Variants in MEOX2 observed in about 807,000 individuals in gnomAD.
MEOX2 encodes mesenchyme homeobox 2, also known as homeobox protein MOX-2.
MEOX2 carries 11 observed loss-of-function variants against 27.0 expected under a neutral mutation model. The observed-to-expected ratio is 0.41, with a 90% CI of 0.26 to 0.68. The LOEUF is 0.68. Among genes scored for constraint, MEOX2 ranks in the 30% least tolerant of loss-of-function variants. The pLI is 0.33. For synonymous variants in MEOX2, 189 were observed against 155.4 expected (o/e 1.22, Z -1.61); for missense variants, 436 against 385.4 (o/e 1.13, Z -1.10).
intron 2 of MEOX2, among the ~76,000 whole-genome samples, chr7:15,612,980 C>T (rs1781057465): frequency 6.6e-6 from 1 of 152,166 alleles, no homozygotes; most frequent in African/African-American, 2.4e-5. Context: ...CTCCTAAGTT[C>T]TTCTTTGATT....
chr7:15,613,123 A>T (rs1184114864), intron 2 of MEOX2, among the ~76,000 whole-genome samples: 1 of 152,088 alleles, frequency 6.6e-6, no homozygotes, highest in African/African-American at 2.4e-5. Flanking sequence ...TGACCATTCC[A>T]CCTCACACTG....
chr7:15,631,076 C>G (rs565749225), intron 1 of MEOX2, among the ~76,000 whole-genome samples: 1 of 151,926 alleles, frequency 6.6e-6, no homozygotes, highest in African/African-American at 2.4e-5. Flanking sequence ...TATGTTAGAT[C>G]CAGAATAGGA....
chr7:15,621,070 G>T (rs1226401891), intron 2 of MEOX2, among the ~76,000 whole-genome samples: 1 of 152,140 alleles, frequency 6.6e-6, no homozygotes, highest in Non-Finnish European at 1.5e-5. Context: ...AGAAAAAAAC[G>T]CCAGAATAAG....
intron 1 of MEOX2, among the ~76,000 whole-genome samples, chr7:15,669,446 T>A (rs1782062799): frequency 6.6e-6 from 1 of 152,250 alleles, no homozygotes; most frequent in African/African-American, 2.4e-5. Flanking sequence ...CGTGAATATG[T>A]CCAGTAATAT....
intron 1 of MEOX2, chr7:15,676,162 T>A (rs1276812899): frequency 6.6e-6 from 1 of 152,058 alleles, no homozygotes; most frequent in African/African-American, 2.4e-5. Context: ...ATTCCAGGGG[T>A]TTGTTGTTCT....
intron 1 of MEOX2, among the ~76,000 whole-genome samples, chr7:15,656,125 C>T (rs1219958104): frequency 6.6e-6 from 1 of 151,616 alleles, no homozygotes; most frequent in Non-Finnish European, 1.5e-5. Flanking sequence ...TAATTTTTTT[C>T]TCTAAAGTCT....
chr7:15,620,828 A>G (rs929592621), intron 2 of MEOX2, among the ~76,000 whole-genome samples: 1 of 152,190 alleles, frequency 6.6e-6, no homozygotes, highest in Non-Finnish European at 1.5e-5. Flanking sequence ...TGTTTATTCC[A>G]GTAATCTTAA....
intron 1 of MEOX2, among the ~76,000 whole-genome samples, chr7:15,642,577 C>T (rs1240188321): frequency 1.3e-5 from 2 of 152,098 alleles, no homozygotes; most frequent in East Asian, 3.9e-4. Context: ...ATCTTGCTTA[C>T]AATCCATATT....
At chr7:15,662,980 C>T (rs1320246763) in intron 1 of MEOX2, among the ~76,000 whole-genome samples, 1 of 152,050 alleles carries the variant, frequency 6.6e-6, no homozygotes, top group Non-Finnish European at 1.5e-5. Context: ...AAGAGGCCTC[C>T]ATACCATTTT....
At chr7:15,636,911 T>A (rs1483122038) in intron 1 of MEOX2, among the ~76,000 whole-genome samples, 1 of 151,920 alleles carries the variant, frequency 6.6e-6, no homozygotes, top group Non-Finnish European at 1.5e-5. Context: ...GTGGCATTAA[T>A]CCATTCATGG....
intron 1 of MEOX2, among the ~76,000 whole-genome samples, chr7:15,647,760 T>C (rs1194638596): frequency 1.3e-5 from 2 of 152,154 alleles, no homozygotes; most frequent in Non-Finnish European, 2.9e-5. Flanking sequence ...TAGTTTCTCA[T>C]TTTAAAAGAT....
intron 1 of MEOX2, among the ~76,000 whole-genome samples, chr7:15,670,362 T>G (rs1171919693): frequency 6.6e-6 from 1 of 152,230 alleles, no homozygotes; most frequent in East Asian, 1.9e-4. Flanking sequence ...CAGATATGCT[T>G]CAACTTTTCA....
intron 2 of MEOX2, among the ~76,000 whole-genome samples, chr7:15,613,756 CTATT>C (rs775547658): frequency 7.9e-5 from 12 of 152,138 alleles, no homozygotes; most frequent in South Asian, 4.1e-4. Flanking sequence ...TCAAAAGACT[CTATT>C]TATTTATTTT....
chr7:15,623,560 G>A (rs1433872197), intron 2 of MEOX2, among the ~76,000 whole-genome samples: 2 of 152,062 alleles, frequency 1.3e-5, no homozygotes, highest in African/African-American at 2.4e-5. Flanking sequence ...AGTAGAGACG[G>A]GGTTTCACCA....
At position 15,627,003 on chromosome 7, in the gene MEOX2, C is replaced by T. The variant is rs1164024369; in HGVS notation, c.518-85G>A. 5.1e-6 allele frequency: 7 copies of T among 1,364,604 alleles called. No homozygotes were observed. The East Asian group carries it at 1.6e-4, about 32-fold the overall frequency. 84.5% of individuals were successfully genotyped at this position (1,364,604 alleles called of 1,614,324 possible). On this transcript the variant is annotated intron_variant, in intron 1 of 2. Transcript: ENST00000262041. ...ATTATTCACAGTTATTGAATTACTACTTTTCCAGGTACTGCGCTAGACATG... is the reference window on the plus strand; with the variant it reads ...ATTATTCACAGTTATTGAATTACTATTTTTCCAGGTACTGCGCTAGACATG...
In MEOX2 at chr7:15,685,912, C is replaced by T; in HGVS notation, c.491G>A (p.Gly164Asp). Residue 164 changes from glycine to aspartate, a missense_variant, in exon 1 of 3, where the codon GGC becomes GAC. Transcript: ENST00000262041. ...LSPAEAEKRSGGKRKSDSSDS... is the reference protein window; with the variant it reads ...LSPAEAEKRSDGKRKSDSSDS... ...TGAGCTGTCGCTTTTCCTCTTGCCG[C>T]CGCTTCGCTTCTCCGCCTCCGCAGG... The T allele has an allele frequency of 3.7e-6, 6 of 1,607,444 alleles. No individual in the cohort carries two copies. The highest frequency in any genetic ancestry group is 4.2e-6 in the Non-Finnish European group (5 of 1,177,412).
At chr7:15,665,577 T>C in intron 1 of MEOX2, among the ~76,000 whole-genome samples, 1 of 152,194 alleles carries the variant, frequency 6.6e-6, no homozygotes, top group Non-Finnish European at 1.5e-5. Flanking sequence ...GTCCAAATTA[T>C]TCTTCCCCCA....
intron 1 of MEOX2, among the ~76,000 whole-genome samples, chr7:15,650,422 C>A (rs951310498): frequency 6.6e-5 from 10 of 152,078 alleles, no homozygotes; most frequent in Non-Finnish European, 1.3e-4. Context: ...AATTTTTTAC[C>A]TACCTTCTAG....
intron 1 of MEOX2, among the ~76,000 whole-genome samples, chr7:15,669,586 A>G (rs1782064533): frequency 6.6e-6 from 1 of 152,212 alleles, no homozygotes; most frequent in African/African-American, 2.4e-5. Flanking sequence ...TGCTTCCCAC[A>G]TAGTCAAAAC....
Sources: gnomAD v4.1 joint callset for allele counts (sites outside exome capture counted in the v4.1 genomes callset) on GRCh38, gnomAD v4.1.1 for gene constraint, MANE v1.5 for transcripts, NCBI Gene and HGNC (gene_info 2026-07-23, HGNC 2026-07-21) for gene names.